The following TEX19 variants were observed in gnomAD, a reference collection of about 807,000 sequenced individuals.
The protein encoded by TEX19 is testis expressed 19, also known as testis-expressed protein 19.
For missense variants in TEX19, 184 were observed against 194.4 expected (o/e 0.95, Z 0.32); for synonymous variants, 77 against 73.9 (o/e 1.04, Z -0.21).
rs772518786 is a variant in TEX19, at chr17:82,362,458, T to C, written c.308T>C (p.Leu103Pro). ...TCTGAGGCATGGGGGCCAGGGACCC[T>C]GGCAGCAGCCCCAGAAGGGTTGGAA... ...GGSEAWGPGTLAAAPEGLEDA... is the reference protein window; with the variant it reads ...GGSEAWGPGTPAAAPEGLEDA... Residue 103 changes from leucine (L) to proline (P), a missense_variant, in exon 2 of 2, where the codon CTG (leucine) becomes CCG (proline). Leu to Pro is a moderately conservative substitution (Grantham distance 98). Transcript: ENST00000333437. The surrounding 1 kb of genome is among the most constrained non-coding windows in gnomAD (Gnocchi z 5.5). 7 of 1,612,560 alleles carry C rather than the reference T, an allele frequency of 4.3e-6. No individual in the cohort carries two copies. In the South Asian group the frequency reaches 5.5e-5, roughly 13 times the overall value.
intron 1 of TEX19, among the ~76,000 whole-genome samples, chr17:82,360,034 C>CT (rs1308627452): frequency 7.7e-6 from 1 of 130,306 alleles, no homozygotes. Flanking sequence ...CTCAGGTTCC[C>CT]CCAGTTTCCC....
chr17:82,360,736 G>C (rs536395591), intron 1 of TEX19, among the ~76,000 whole-genome samples: 80 of 93,116 alleles, frequency 8.6e-4, no homozygotes, highest in African/African-American at 3.6e-3. Flanking sequence ...GTTTCCCTCA[G>C]GTTCCCCCAG....
chr17:82,362,818 C>A lies in TEX19; in HGVS notation c.*173C>A, dbSNP rs1441449591. On this transcript the variant is annotated 3_prime_UTR_variant, in exon 2 of 2. Transcript: ENST00000333437. This position sits in a 1 kb window ranked among gnomAD's most constrained non-coding sequence, Gnocchi z 5.5. ...CTACAGAAGATGACCCCAGACAGGG[C>A]CCTGAGGACCCCAGGGCAGCACTGG... The A allele has an allele frequency of 3.9e-6, 3 of 776,026 alleles. No individual in the cohort carries two copies. The East Asian group carries it at 8.7e-5, about 23-fold the overall frequency. The allele number at this position is 776,026 out of a possible 1,614,324, so 48.1% of individuals were successfully genotyped here.
intron 1 of TEX19, among the ~76,000 whole-genome samples, chr17:82,361,029 GTTCCCTCAGT>G (rs199749234): frequency 1.6e-5 from 1 of 64,470 alleles, no homozygotes; most frequent in African/African-American, 5.8e-5. Context: ...TTTCCCTCAG[GTTCCCTCAGT>G]TTCCCCCAGT....
intron 1 of TEX19, among the ~76,000 whole-genome samples, chr17:82,360,106 T>C (rs1407639864): frequency 1.9e-5 from 1 of 53,138 alleles, no homozygotes; most frequent in Non-Finnish European, 3.3e-5. Flanking sequence ...CCAGTTTCCC[T>C]CAGGTTCCCT....
At chr17:82,360,034 C>CTCAGGTT (rs1308627452) in intron 1 of TEX19, among the ~76,000 whole-genome samples, 3 of 130,306 alleles carry the variant, frequency 2.3e-5, no homozygotes, top group Admixed American at 7.4e-5. Flanking sequence ...CTCAGGTTCC[C>CTCAGGTT]CCAGTTTCCC....
rs1476900652 is a variant in TEX19, at chr17:82,359,499, TTTCCCTCAGTTTCCCTCAGG to T, written c.-272+253_-272+272del. 1.6e-4 allele frequency among the ~76,000 whole-genome samples: 20 copies of T among 125,994 alleles called. 1 individual carries two copies. Among genetic ancestry groups the T allele is most frequent in the East Asian group, 7.0e-4 (3 of 4,290 alleles). The allele number at this position is 125,994 out of a possible 152,430, so 82.7% of individuals were successfully genotyped here. A position where few individuals can be genotyped will look rare whatever the true frequency, so the allele number is the denominator to read the frequency against. ...TCAGGTTCCCTCAGTTTCCCTCAAG[TTTCCCTCAGTTTCCCTCAGG>T]TTCCCTCAGTTTCCCTCAGGTTCCC... is the stretch of plus-strand genomic sequence containing the variant. On this transcript the variant is annotated intron_variant, in intron 1 of 1. Coordinates refer to ENST00000333437, the MANE Select transcript of TEX19 (RefSeq NM_207459.4).
Position 82,362,746 on chromosome 17 carries a change from T to G in TEX19, c.*101T>G. 3.6e-6 allele frequency: 5 copies of G among 1,407,232 alleles called. No individual in the cohort carries two copies. The highest frequency in any genetic ancestry group is 4.8e-6 in the Non-Finnish European group (5 of 1,051,278). The allele number at this position is 1,407,232 out of a possible 1,614,324, so 87.2% of individuals were successfully genotyped here. ...CCTGCCGAGGCTGAGGCCTAGTTAC[T>G]GGCCCTGCAGCTTGTCTCCATGGTG... On this transcript the variant is annotated 3_prime_UTR_variant, in exon 2 of 2. Coordinates refer to ENST00000333437, the MANE Select transcript of TEX19 (RefSeq NM_207459.4). The surrounding 1 kb of genome is among the most constrained non-coding windows in gnomAD (Gnocchi z 5.5).
Position 82,362,611 on chromosome 17 carries a change from C to T in TEX19, c.461C>T (p.Thr154Ile). The part of the protein sequence containing the change: ...GLPWRFEELL[T>I]CSHWPSFFPS ...CCCTGGAGATTTGAGGAGCTTCTTA[C>T]CTGCTCACACTGGCCAAGCTTCTTT... Residue 154 changes from threonine to isoleucine, a missense_variant, in exon 2 of 2, where the codon ACC (threonine) becomes ATC (isoleucine). Transcript: ENST00000333437. This position sits in a 1 kb window ranked among gnomAD's most constrained non-coding sequence, Gnocchi z 5.5. The T allele has an allele frequency of 6.4e-7, 1 of 1,572,972 alleles. No homozygotes were observed. The highest frequency in any genetic ancestry group is 2.2e-5 in the East Asian group (1 of 44,702).
chr17:82,360,814 C>T (rs867532093), intron 1 of TEX19, among the ~76,000 whole-genome samples: 7 of 103,512 alleles, frequency 6.8e-5, no homozygotes, highest in African/African-American at 1.5e-4. Context: ...TCAGGTTCCC[C>T]CAGTTTCCCT....
intron 1 of TEX19, among the ~76,000 whole-genome samples, chr17:82,359,657 C>CT (rs2052361724): frequency 7.2e-6 from 1 of 138,196 alleles, no homozygotes; most frequent in African/African-American, 2.9e-5. Context: ...CTCAGGTTCC[C>CT]CCAGTTTCCC....
Position 82,362,766 on chromosome 17 carries a change from A to G in TEX19, c.*121A>G. On this transcript the variant is annotated 3_prime_UTR_variant, in exon 2 of 2. Transcript: ENST00000333437. This position sits in a 1 kb window ranked among gnomAD's most constrained non-coding sequence, Gnocchi z 5.5. ...GTTACTGGCCCTGCAGCTTGTCTCCATGGTGGGCTGCTATGATACCATCTA... is the reference window on the plus strand; with the variant it reads ...GTTACTGGCCCTGCAGCTTGTCTCCGTGGTGGGCTGCTATGATACCATCTA... 1 of 1,260,520 alleles carries G rather than the reference A, an allele frequency of 7.9e-7. No homozygotes were observed. Among genetic ancestry groups the G allele is most frequent in the Non-Finnish European group, 1.1e-6 (1 of 928,132 alleles). The allele number at this position is 1,260,520 out of a possible 1,614,324, so 78.1% of individuals were successfully genotyped here.
chr17:82,359,840 C>T (rs2052365983), intron 1 of TEX19, among the ~76,000 whole-genome samples: 1 of 144,764 alleles, frequency 6.9e-6, no homozygotes, highest in African/African-American at 2.6e-5. Context: ...CCCAGTTTCC[C>T]TCAAGTTCCC....
rs1452667535 is a variant in TEX19, at chr17:82,363,636, T to C, written c.*991T>C. ...ATCTCAGGGGTGCCACAAGACCCTG[T>C]CAGCAGCACTAGGATCTCTGGTCTA... is the stretch of plus-strand genomic sequence containing the variant. On this transcript the variant is annotated 3_prime_UTR_variant, in exon 2 of 2. Coordinates refer to ENST00000333437, the MANE Select transcript of TEX19 (RefSeq NM_207459.4). 3.0e-5 allele frequency: 5 copies of C among 167,072 alleles called. No individual in the cohort carries two copies. The highest frequency in any genetic ancestry group is 1.5e-5 in the Non-Finnish European group (1 of 68,118). The allele number at this position is 167,072 out of a possible 1,614,324, so 10.3% of individuals were successfully genotyped here. A position where few individuals can be genotyped will look rare whatever the true frequency, so the allele number is the denominator to read the frequency against.
chr17:82,361,882 C>T lies in TEX19; in HGVS notation c.-269C>T, dbSNP rs2052397746. ...CCTCCCTTCCTTTGCCTTTCCAGCTCTCCTGAGACCACAGCAACTGCAGAA... is the reference window on the plus strand; with the variant it reads ...CCTCCCTTCCTTTGCCTTTCCAGCTTTCCTGAGACCACAGCAACTGCAGAA... On this transcript the variant is annotated splice_region_variant and 5_prime_UTR_variant, in exon 2 of 2. Transcript: ENST00000333437. The T allele has an allele frequency of 2.7e-6, 2 of 753,928 alleles. No homozygotes were observed. Among genetic ancestry groups the T allele is most frequent in the South Asian group, 5.3e-5 (2 of 37,838 alleles). The allele number at this position is 753,928 out of a possible 1,614,324, so 46.7% of individuals were successfully genotyped here.
chr17:82,359,770 T>C (rs1369513741), intron 1 of TEX19, among the ~76,000 whole-genome samples: 9 of 90,728 alleles, frequency 9.9e-5, no homozygotes, highest in African/African-American at 1.4e-4. Context: ...CCAGCTTCCC[T>C]CAGGTTCCCT....
intron 1 of TEX19, 126 bp downstream of exon 1, chr17:82,359,411 C>T (rs1186146921): frequency 6.7e-6 from 1 of 150,368 alleles, no homozygotes; most frequent in East Asian, 1.9e-4. Flanking sequence ...CCTCAAATTT[C>T]CCTCAGTTTC....
chr17:82,361,079 T>G lies in TEX19; in HGVS notation c.-271-801T>G, dbSNP rs111379705. On this transcript the variant is annotated intron_variant, in intron 1 of 1. Coordinates refer to ENST00000333437, the MANE Select transcript of TEX19 (RefSeq NM_207459.4). ...CTCAGGTTCCCCCAGTTTCCCTCAG[T>G]TTCCCTCAGGTTTCCTCAAGTTGCC... Among the ~76,000 whole-genome samples, 137 of 132,850 alleles carry G rather than the reference T, an allele frequency of 1.0e-3. 2 individuals are homozygous for G. Among genetic ancestry groups the G allele is most frequent in the African/African-American group, 2.6e-3 (85 of 33,158 alleles). 87.2% of individuals were successfully genotyped at this position (132,850 alleles called of 152,430 possible). A position where few individuals can be genotyped will look rare whatever the true frequency, so the allele number is the denominator to read the frequency against.
In TEX19 at chr17:82,363,162, G is replaced by C. The variant is rs1046379227; in HGVS notation, c.*517G>C. 6.0e-6 allele frequency: 1 copy of C among 167,450 alleles called. No homozygotes were observed. Among genetic ancestry groups the C allele is most frequent in the East Asian group, 1.9e-4 (1 of 5,196 alleles). The allele number at this position is 167,450 out of a possible 1,614,324, so 10.4% of individuals were successfully genotyped here. On this transcript the variant is annotated 3_prime_UTR_variant, in exon 2 of 2. Transcript: ENST00000333437. ...TGGCTGTTGCAGGAGCCTCGGCCATGGGGGAGCTGCCCTGTTTCCAGCCTC... is the reference window on the plus strand; with the variant it reads ...TGGCTGTTGCAGGAGCCTCGGCCATCGGGGAGCTGCCCTGTTTCCAGCCTC...
Sources: allele counts gnomAD v4.1 joint callset (sites outside exome capture counted in the v4.1 genomes callset), GRCh38; gene constraint gnomAD v4.1.1; non-coding constraint Gnocchi (gnomAD v3.1); transcripts MANE v1.5; gene names NCBI Gene and HGNC (gene_info 2026-07-23, HGNC 2026-07-21).